The following C4orf50 variants were observed in gnomAD, a reference collection of about 807,000 sequenced individuals.
C4orf50 encodes the protein uncharacterized protein C4orf50.
In C4orf50, 80 loss-of-function variants were observed where a neutral mutation model predicts 77.2. The observed-to-expected ratio is 1.04, with a 90% confidence interval of 0.87 to 1.25. The LOEUF (loss-of-function observed/expected upper bound fraction) is 1.25, where lower values mean the gene tolerates loss of function less well. Ranked by LOEUF, C4orf50 falls within the 50% of genes most tolerant of loss-of-function variation. The pLI, the probability that C4orf50 is intolerant of heterozygous loss-of-function variation, is 0.00. For synonymous variants in C4orf50, 532 were observed against 465.3 expected (o/e 1.14, Z -1.84); for missense variants, 1,257 against 1,152.9 (o/e 1.09, Z -1.31).
rs895238702 is a variant in C4orf50, at chr4:6,017,092, C to T, written c.287+1053G>A. Among the ~76,000 whole-genome samples the T allele has an allele frequency of 6.6e-6, 1 of 152,232 alleles. No individual in the cohort carries two copies. Among genetic ancestry groups the T allele is most frequent in the African/African-American group, 2.4e-5 (1 of 41,446 alleles). On this transcript the variant is annotated intron_variant, in intron 23 of 33. Coordinates refer to ENST00000531445, the Ensembl canonical transcript of C4orf50. The surrounding 1 kb of genome is among the most constrained non-coding windows in gnomAD (Gnocchi z 4.7). ...CTTTAGAGAAAGACCTGGATTCAAA[C>T]GCCCCACCTTGAGGCCAGGTCAGCT... is the stretch of plus-strand genomic sequence containing the variant.
intron 7 of C4orf50, among the ~76,000 whole-genome samples, chr4:5,946,966 G>T (rs778229436): frequency 1.3e-5 from 2 of 152,174 alleles, no homozygotes; most frequent in Non-Finnish European, 2.9e-5. Flanking sequence ...TAACACACAT[G>T]GTGCTCTTGG....
At chr4:5,935,288 G>A (rs909033223) in intron 7 of C4orf50, among the ~76,000 whole-genome samples, 6 of 152,212 alleles carry the variant, frequency 3.9e-5, no homozygotes, top group African/African-American at 1.4e-4. Context: ...CTGAGCCAAG[G>A]TCCTTGGAGG....
chr4:5,964,891 A>G (rs6828891), intron 33 of C4orf50, 133 bp downstream of exon 11: 444,939 of 691,340 alleles, frequency 0.64, 150,250 homozygotes, highest in African/African-American at 0.75. Flanking sequence ...TCGGGAGTCG[A>G]TTGTGTTCTA....
At chr4:5,914,692 C>T (rs1395574408) in intron 7 of C4orf50, among the ~76,000 whole-genome samples, 4 of 152,104 alleles carry the variant, frequency 2.6e-5, no homozygotes, top group South Asian at 2.1e-4. Flanking sequence ...TCTCATTTTT[C>T]GTTTGTTAGA....
chr4:5,973,595 G>T (rs1720057611), intron 31 of C4orf50, 64 bp downstream of exon 9: 10 of 1,343,418 alleles, frequency 7.4e-6, no homozygotes, highest in African/African-American at 2.9e-5. Flanking sequence ...TCAGGCAGGG[G>T]CATGCAAGGG....
rs1326255406 is a variant in C4orf50, at chr4:6,009,316, T to C, written c.427-784A>G. On this transcript the variant is annotated intron_variant, in intron 24 of 33. Transcript: ENST00000531445. The surrounding 1 kb of genome is among the most constrained non-coding windows in gnomAD (Gnocchi z 5.6). The stretch of plus-strand genomic sequence containing the variant: ...TTCAGAATTAATTCAAGCAAAGGGA[T>C]AGAACTACGTCTACGTTAATCTTTC... Among the ~76,000 whole-genome samples the C allele has an allele frequency of 1.3e-5, 2 of 152,226 alleles. No individual in the cohort carries two copies. The highest frequency in any genetic ancestry group is 2.1e-4 in the South Asian group (1 of 4,826).
chr4:5,975,809 T>C (rs147684464), intron 30 of C4orf50, 90 bp downstream of exon 8: 49 of 1,032,312 alleles, frequency 4.7e-5, no homozygotes, highest in Admixed American at 1.2e-4. Context: ...TTTTATACAA[T>C]AGAGGTGGAT....
At chr4:5,985,877 G>C (rs1720828233) in intron 28 of C4orf50, among the ~76,000 whole-genome samples, 1 of 152,264 alleles carries the variant, frequency 6.6e-6, no homozygotes, top group Non-Finnish European at 1.5e-5. Context: ...GTTGAGGCAG[G>C]AGAATCACTT....
At chr4:5,950,881 G>A (rs967300429) in intron 7 of C4orf50, among the ~76,000 whole-genome samples, 3 of 152,194 alleles carry the variant, frequency 2.0e-5, no homozygotes, top group African/African-American at 7.2e-5. Flanking sequence ...ATGAATGAAT[G>A]AATGAATGGA....
At chr4:5,943,399 C>T (rs573923388) in intron 7 of C4orf50, among the ~76,000 whole-genome samples, 1 of 152,246 alleles carries the variant, frequency 6.6e-6, no homozygotes, top group South Asian at 2.1e-4. Flanking sequence ...GGCTATGCAC[C>T]TTTGCACTGA....
intron 7 of C4orf50, among the ~76,000 whole-genome samples, chr4:5,950,193 C>T (rs1202003680): frequency 6.6e-6 from 1 of 152,084 alleles, no homozygotes. Context: ...CATTCTGATT[C>T]AAACAAACTG....
rs1215855582 is a variant in C4orf50, at chr4:5,988,557, T to G, written c.3489A>C (p.Thr1163=). 2.6e-6 allele frequency: 4 copies of G among 1,536,900 alleles called. No homozygotes were observed. The African/African-American group carries it at 4.1e-5, about 16-fold the overall frequency. ...AATTCCCGGTGCCTGTGGAAGGTCC[T>G]GTCTGCCCTGCAGCCAGACTCATTT... The change falls in exon 28 of 34, where the codon ACA becomes ACC. Residue 1163 remains threonine (T), a synonymous_variant. Coordinates refer to ENST00000531445, the Ensembl canonical transcript of C4orf50.
At chr4:6,001,239 C>G (rs1417614693) in intron 25 of C4orf50, among the ~76,000 whole-genome samples, 1 of 152,178 alleles carries the variant, frequency 6.6e-6, no homozygotes, top group Non-Finnish European at 1.5e-5. Context: ...ACCTCTGCCC[C>G]CAAGAGTTCA....
At chr4:5,993,174 G>A (rs111879230) in intron 26 of C4orf50, among the ~76,000 whole-genome samples, 3,328 of 152,210 alleles carry the variant, frequency 0.022, 127 homozygotes, top group African/African-American at 0.076. Flanking sequence ...CCACCTCTGC[G>A]GCCCACAGAC....
chr4:5,975,922 T>C, exon 30 of C4orf50: 1 of 1,613,956 alleles, frequency 6.2e-7, no homozygotes. Flanking sequence ...ACTGCCAACT[T>C]TGCTTCATGT....
intron 25 of C4orf50, among the ~76,000 whole-genome samples, chr4:6,004,980 TATCATC>T (rs537839287): frequency 6.6e-6 from 1 of 152,290 alleles, no homozygotes; most frequent in African/African-American, 2.4e-5. Context: ...GATGCACTAG[TATCATC>T]ATCATCCCAG....
chr4:5,975,994 CACTT>C (rs767703013), intron 29 of C4orf50, 39 bp from the exon 8 acceptor site: 7 of 1,546,598 alleles, frequency 4.5e-6, no homozygotes, highest in Non-Finnish European at 6.3e-6. Flanking sequence ...ACTGCACTGT[CACTT>C]ACCACTGTCC....
At chr4:5,986,475 T>A (rs1004315754) in intron 28 of C4orf50, among the ~76,000 whole-genome samples, 2 of 152,202 alleles carry the variant, frequency 1.3e-5, no homozygotes, top group African/African-American at 4.8e-5. Flanking sequence ...TTGCTTGTTT[T>A]TATTTCATCC....
Position 6,009,918 on chromosome 4 carries a change from T to G in C4orf50, c.427-1386A>C, listed in dbSNP as rs1386581281. On this transcript the variant is annotated intron_variant, in intron 24 of 33. Coordinates refer to ENST00000531445, the Ensembl canonical transcript of C4orf50. This position sits in a 1 kb window ranked among gnomAD's most constrained non-coding sequence, Gnocchi z 5.6. Reference sequence around the variant, plus strand: ...TCTGGAAATGGGGTTTTGTGATGAGTCTTTCCCGGGAGCATACACAGCACA... The same window carrying G: ...TCTGGAAATGGGGTTTTGTGATGAGGCTTTCCCGGGAGCATACACAGCACA... Among the ~76,000 whole-genome samples, 1 of 152,048 alleles carries G rather than the reference T, an allele frequency of 6.6e-6. No homozygotes were observed. Among genetic ancestry groups the G allele is most frequent in the Non-Finnish European group, 1.5e-5 (1 of 68,036 alleles).
Sources: allele counts gnomAD v4.1 joint callset (sites outside exome capture counted in the v4.1 genomes callset), GRCh38; gene constraint gnomAD v4.1.1; non-coding constraint Gnocchi (gnomAD v3.1); transcripts MANE v1.5; gene names NCBI Gene and HGNC (gene_info 2026-07-23, HGNC 2026-07-21).